Variants in MIR2052HG observed in about 807,000 individuals in gnomAD.
The protein encoded by MIR2052HG is MIR2052 host gene.
chr8:74,617,109 T>C (rs914675837), intron 2 of MIR2052HG, among the ~76,000 whole-genome samples: 6 of 152,216 alleles, frequency 3.9e-5, no homozygotes, highest in Admixed American at 2.6e-4. Context: ...TAATTTTTAA[T>C]ATATAGGAGT....
chr8:74,754,779 T>C (rs908751588), intron 5 of MIR2052HG, among the ~76,000 whole-genome samples: 2 of 152,192 alleles, frequency 1.3e-5, no homozygotes, highest in African/African-American at 4.8e-5. Flanking sequence ...TCAGAGCCAA[T>C]GCTTCCTGGA....
At chr8:74,730,868 A>C (rs1280810094) in intron 4 of MIR2052HG, among the ~76,000 whole-genome samples, 3 of 152,162 alleles carry the variant, frequency 2.0e-5, no homozygotes, top group Admixed American at 1.3e-4. Flanking sequence ...AAAGGTGAGA[A>C]TATATACAGG....
At chr8:74,731,902 A>G (rs1436443005) in intron 4 of MIR2052HG, among the ~76,000 whole-genome samples, 1 of 152,116 alleles carries the variant, frequency 6.6e-6, no homozygotes, top group Non-Finnish European at 1.5e-5. Context: ...TAGAAGTAGA[A>G]CCCCATAAAT....
chr8:74,720,309 T>C (rs1012667977), intron 4 of MIR2052HG, among the ~76,000 whole-genome samples: 2 of 152,246 alleles, frequency 1.3e-5, no homozygotes, highest in African/African-American at 4.8e-5. Flanking sequence ...CAGATCTGTG[T>C]TCTCTGCAAT....
At chr8:74,609,171 A>G (rs576845032) in intron 1 of MIR2052HG, among the ~76,000 whole-genome samples, 27 of 152,122 alleles carry the variant, frequency 1.8e-4, no homozygotes, top group African/African-American at 6.5e-4. Context: ...TGTCTCTTAA[A>G]ATATGTGAAT....
At chr8:74,713,706 A>T (rs577396338) in intron 4 of MIR2052HG, among the ~76,000 whole-genome samples, 128 of 152,192 alleles carry the variant, frequency 8.4e-4, no homozygotes, top group African/African-American at 2.9e-3. Context: ...ATGAGGACAG[A>T]TTTTTTTGGT....
intron 5 of MIR2052HG, chr8:74,757,044 C>T (rs1810012397): frequency 6.6e-6 from 1 of 152,166 alleles, no homozygotes; most frequent in Non-Finnish European, 1.5e-5. Flanking sequence ...GGCATCCAGG[C>T]TAGGTGAAGT....
intron 2 of MIR2052HG, among the ~76,000 whole-genome samples, chr8:74,660,976 A>C (rs867655665): frequency 2.0e-5 from 3 of 152,090 alleles, no homozygotes; most frequent in Admixed American, 1.3e-4. Context: ...ATAATAAATA[A>C]TAATTTTAAA....
At chr8:74,676,160 G>A (rs1013003318) in intron 2 of MIR2052HG, among the ~76,000 whole-genome samples, 2 of 151,926 alleles carry the variant, frequency 1.3e-5, no homozygotes, top group African/African-American at 4.8e-5. Context: ...CTAAAGCAGA[G>A]GGTTAACTGC....
At chr8:74,728,253 G>A (rs946675698) in intron 4 of MIR2052HG, among the ~76,000 whole-genome samples, 4 of 152,192 alleles carry the variant, frequency 2.6e-5, no homozygotes, top group Admixed American at 1.3e-4. Context: ...TGTCCCTGAG[G>A]TAAGATCACT....
intron 2 of MIR2052HG, among the ~76,000 whole-genome samples, chr8:74,622,196 A>G (rs930528256): frequency 1.1e-4 from 17 of 152,374 alleles, no homozygotes; most frequent in African/African-American, 4.1e-4. Context: ...GAACTCAGAT[A>G]ACTTAAAGTC....
intron 2 of MIR2052HG, among the ~76,000 whole-genome samples, chr8:74,628,503 C>G (rs867484266): frequency 1.3e-5 from 2 of 152,274 alleles, no homozygotes; most frequent in South Asian, 2.1e-4. Flanking sequence ...TTCAGCCTAG[C>G]TCCTTGTTCA....
chr8:74,639,651 C>G (rs1808618232), intron 2 of MIR2052HG, among the ~76,000 whole-genome samples: 1 of 152,072 alleles, frequency 6.6e-6, no homozygotes, highest in African/African-American at 2.4e-5. Flanking sequence ...TATGAAACTC[C>G]TGTTAAAAAT....
intron 2 of MIR2052HG, among the ~76,000 whole-genome samples, chr8:74,668,533 T>C (rs542602895): frequency 1.3e-5 from 2 of 152,220 alleles, no homozygotes; most frequent in Non-Finnish European, 2.9e-5. Flanking sequence ...TGTCCTCAGC[T>C]TTCTCTGCTT....
chr8:74,676,027 A>G (rs972121930), intron 2 of MIR2052HG, among the ~76,000 whole-genome samples: 1 of 152,024 alleles, frequency 6.6e-6, no homozygotes, highest in Admixed American at 6.6e-5. Flanking sequence ...TATTATTCTC[A>G]AGAGCAATAA....
At chr8:74,737,727 C>G (rs1809782482) in intron 4 of MIR2052HG, among the ~76,000 whole-genome samples, 1 of 152,174 alleles carries the variant, frequency 6.6e-6, no homozygotes, top group Non-Finnish European at 1.5e-5. Flanking sequence ...TGCTCACATT[C>G]TTAAGTCTGA....
At chr8:74,640,090 C>T (rs1221236185) in intron 2 of MIR2052HG, among the ~76,000 whole-genome samples, 1 of 152,014 alleles carries the variant, frequency 6.6e-6, no homozygotes, top group African/African-American at 2.4e-5. Flanking sequence ...TTCTTTAATC[C>T]ATAGTTTGAA....
chr8:74,713,731 G>A (rs1425655128), intron 4 of MIR2052HG, among the ~76,000 whole-genome samples: 1 of 151,884 alleles, frequency 6.6e-6, no homozygotes, highest in Non-Finnish European at 1.5e-5. Context: ...TTTGCATAAC[G>A]TTACCTATCT....
At chr8:74,669,258 A>T (rs1408133433) in intron 2 of MIR2052HG, among the ~76,000 whole-genome samples, 1 of 152,140 alleles carries the variant, frequency 6.6e-6, no homozygotes, top group Non-Finnish European at 1.5e-5. Context: ...AGCAACCTTG[A>T]CTTTGATCTG....
Sources: gnomAD v4.1 joint callset for allele counts (sites outside exome capture counted in the v4.1 genomes callset) on GRCh38, gnomAD v4.1.1 for gene constraint, MANE v1.5 for transcripts, NCBI Gene and HGNC (gene_info 2026-07-23, HGNC 2026-07-21) for gene names.